AFG2A: variants seen among roughly 807,000 people sequenced by gnomAD.
The protein encoded by AFG2A is AAA ATPase AFG2A.
chr4:123,189,817 T>C, the AFG2A span, among the ~76,000 whole-genome samples: 3 of 132,264 alleles, frequency 2.3e-5, no homozygotes, highest in South Asian at 2.4e-4. Context: ...TGCTTTTTTT[T>C]TTTTTTTTTT....
chr4:123,057,301 T>G, the AFG2A span: 1 of 1,605,542 alleles, frequency 6.2e-7, no homozygotes, highest in Non-Finnish European at 8.5e-7. Context: ...AAGAAGTATT[T>G]AATAGCACTG....
chr4:123,109,211 G>A, the AFG2A span, among the ~76,000 whole-genome samples: 1 of 152,092 alleles, frequency 6.6e-6, no homozygotes, highest in African/African-American at 2.4e-5. Flanking sequence ...TAAACACTAG[G>A]AAATAGATGA....
chr4:122,973,399 G>A, the AFG2A span, among the ~76,000 whole-genome samples: 1 of 149,388 alleles, frequency 6.7e-6, no homozygotes, highest in Admixed American at 6.7e-5. Context: ...TATATTTAGG[G>A]TAATATCTTA....
the AFG2A span, among the ~76,000 whole-genome samples, chr4:123,229,090 A>G: frequency 6.6e-6 from 1 of 151,982 alleles, no homozygotes; most frequent in Admixed American, 6.6e-5. Context: ...AAAAAAAACC[A>G]GCACAATTTC....
chr4:123,093,090 G>C, the AFG2A span, among the ~76,000 whole-genome samples: 1 of 152,104 alleles, frequency 6.6e-6, no homozygotes, highest in Non-Finnish European at 1.5e-5. Context: ...TTCTATCAGG[G>C]TGATACAGGA....
the AFG2A span, among the ~76,000 whole-genome samples, chr4:123,010,478 G>C: frequency 6.6e-6 from 1 of 152,208 alleles, no homozygotes; most frequent in African/African-American, 2.4e-5. Flanking sequence ...CTTAGAGCCA[G>C]GCCAAGCATT....
chr4:122,997,551 A>C, the AFG2A span, among the ~76,000 whole-genome samples: 1 of 152,256 alleles, frequency 6.6e-6, no homozygotes, highest in South Asian at 2.1e-4. Flanking sequence ...GTTGATGGAC[A>C]ATTGGGTTGT....
chr4:123,269,651 C>T, the AFG2A span, among the ~76,000 whole-genome samples: 1 of 152,026 alleles, frequency 6.6e-6, no homozygotes, highest in African/African-American at 2.4e-5. Flanking sequence ...GTTTCTTTTC[C>T]CTTGTAAGTA....
chr4:123,038,269 A>G, the AFG2A span, among the ~76,000 whole-genome samples: 1 of 152,078 alleles, frequency 6.6e-6, no homozygotes, highest in East Asian at 1.9e-4. Context: ...ACAACTCAGA[A>G]GACTGTTGCA....
the AFG2A span, among the ~76,000 whole-genome samples, chr4:123,032,682 G>A: frequency 1.3e-5 from 2 of 152,314 alleles, no homozygotes; most frequent in African/African-American, 4.8e-5. Flanking sequence ...CCAAAGTGCT[G>A]GGATTACAGG....
chr4:123,177,881 C>T, the AFG2A span, among the ~76,000 whole-genome samples: 1 of 152,148 alleles, frequency 6.6e-6, no homozygotes, highest in African/African-American at 2.4e-5. Context: ...GCACTGCCTC[C>T]TTGTGTCTTA....
the AFG2A span, among the ~76,000 whole-genome samples, chr4:123,261,671 C>T: frequency 5.3e-5 from 8 of 152,172 alleles, no homozygotes; most frequent in Non-Finnish European, 1.2e-4. Context: ...ACTGAAATAA[C>T]TACTTTGTCA....
chr4:122,983,747 T>A, the AFG2A span, among the ~76,000 whole-genome samples: 1 of 152,194 alleles, frequency 6.6e-6, no homozygotes, highest in Admixed American at 6.5e-5. Context: ...TCAGAATGTG[T>A]CATGTGCACT....
the AFG2A span, among the ~76,000 whole-genome samples, chr4:123,156,356 G>A: frequency 7.2e-5 from 11 of 152,064 alleles, no homozygotes; most frequent in Non-Finnish European, 4.4e-5. Flanking sequence ...CATTACGTAC[G>A]TAACCCTTCA....
chr4:123,186,650 TC>T, the AFG2A span, among the ~76,000 whole-genome samples: 17 of 152,196 alleles, frequency 1.1e-4, no homozygotes, highest in Admixed American at 4.6e-4. Flanking sequence ...CTTCTGGTTT[TC>T]TAAGGTTTCA....
At chr4:123,027,102 T>C in the AFG2A span, among the ~76,000 whole-genome samples, 1 of 152,164 alleles carries the variant, frequency 6.6e-6, no homozygotes, top group African/African-American at 2.4e-5. Flanking sequence ...CTGCATGTGT[T>C]TACTCTAGCT....
the AFG2A span, among the ~76,000 whole-genome samples, chr4:123,085,782 T>G: frequency 8.2e-6 from 1 of 122,462 alleles, no homozygotes. Context: ...TTCCCATTTC[T>G]TCTTCTCTTT....
At chr4:123,263,946 A>G in the AFG2A span, among the ~76,000 whole-genome samples, 1 of 152,248 alleles carries the variant, frequency 6.6e-6, no homozygotes, top group African/African-American at 2.4e-5. Flanking sequence ...TTACAAAAAT[A>G]TGGAACCAGC....
chr4:123,239,420 G>C, the AFG2A span, among the ~76,000 whole-genome samples: 2 of 152,058 alleles, frequency 1.3e-5, no homozygotes, highest in Non-Finnish European at 2.9e-5. Flanking sequence ...AAATGTTAAG[G>C]GTAGCCTGAG....
Sources: allele counts gnomAD v4.1 joint callset (sites outside exome capture counted in the v4.1 genomes callset), GRCh38; gene constraint gnomAD v4.1.1; transcripts MANE v1.5; gene names NCBI Gene and HGNC (gene_info 2026-07-23, HGNC 2026-07-21).